The following HMGN5 variants were observed in gnomAD, a reference collection of about 807,000 sequenced individuals.
HMGN5 encodes high mobility group nucleosome-binding domain-containing protein 5.
A neutral mutation model predicts 9.5 loss-of-function variants in HMGN5; 4 were observed. The observed-to-expected ratio is 0.42, with a 90% CI of 0.21 to 0.96. The LOEUF (loss-of-function observed/expected upper bound fraction) is 0.96, where lower values mean the gene tolerates loss of function less well. Ranked by LOEUF, HMGN5 falls within the 40% of genes least tolerant of loss-of-function variation. The pLI, the probability that HMGN5 is intolerant of heterozygous loss-of-function variation, is 0.30. For missense variants in HMGN5, 192 were observed against 187.5 expected (o/e 1.02, Z -0.14); for synonymous variants, 55 against 57.1 (o/e 0.96, Z 0.16).
intron 1 of HMGN5, among the ~76,000 whole-genome samples, chrX:81,161,929 A>G (rs1455326272): frequency 9.1e-6 from 1 of 109,575 alleles, no homozygotes; most frequent in African/African-American, 3.5e-5. Context: ...GGTAAGTTTG[A>G]ATACAATACT....
chrX:81,191,470 C>T (rs1177461851), intron 1 of HMGN5, among the ~76,000 whole-genome samples: 1 of 111,767 alleles, frequency 8.9e-6, no homozygotes, highest in African/African-American at 3.3e-5. Flanking sequence ...AATTTTCAAT[C>T]ATGAAGGGAA....
intron 1 of HMGN5, among the ~76,000 whole-genome samples, chrX:81,190,832 T>C (rs2075492119): frequency 9.0e-6 from 1 of 111,564 alleles, no homozygotes; most frequent in African/African-American, 3.3e-5. Context: ...TTAAAAGAAC[T>C]ACCTTATTAG....
chrX:81,119,370 C>T (rs2075262640), intron 3 of HMGN5, among the ~76,000 whole-genome samples: 1 of 111,154 alleles, frequency 9.0e-6, no homozygotes, highest in Admixed American at 9.6e-5. Context: ...ATATTTAATG[C>T]AATAACAAAA....
chrX:81,170,588 A>G (rs1014693828), intron 1 of HMGN5, among the ~76,000 whole-genome samples: 4 of 111,533 alleles, frequency 3.6e-5, no homozygotes, highest in African/African-American at 1.3e-4. Context: ...CCAGGACATA[A>G]AGAGTAAAAT....
intron 2 of HMGN5, 82 bp from the exon 3 acceptor site, chrX:81,119,899 A>C (rs2147537041): frequency 1.2e-6 from 1 of 849,572 alleles, no homozygotes; most frequent in African/African-American, 2.0e-5. Flanking sequence ...CGGATTACAA[A>C]TTTCAATATA....
At chrX:81,157,742 T>C (rs1026896321) in intron 1 of HMGN5, among the ~76,000 whole-genome samples, 1 of 111,441 alleles carries the variant, frequency 9.0e-6, no homozygotes, top group Admixed American at 9.6e-5. Context: ...CTGAGTTTCC[T>C]GGAGTTATAT....
In HMGN5 at chrX:81,114,075, CAG is replaced by C. The variant is rs1322665801; in HGVS notation, c.*572_*573del. The C allele has an allele frequency of 8.9e-6, 1 of 111,927 alleles. No homozygotes were observed. Among genetic ancestry groups the C allele is most frequent in the East Asian group, 2.8e-4 (1 of 3,587 alleles). The allele number at this position is 111,927 out of a possible 1,213,427, so 9.2% of individuals were successfully genotyped here. Reference sequence around the variant, plus strand: ...AGATATAACAAAACACAATCATCGTCAGAGTCTTTTTATTAAGATAAATCCAG... The same window carrying C: ...AGATATAACAAAACACAATCATCGTCAGTCTTTTTATTAAGATAAATCCAG... On this transcript the variant is annotated 3_prime_UTR_variant, in exon 7 of 7. Transcript: ENST00000358130.
At chrX:81,119,293 G>A (rs933517078) in intron 3 of HMGN5, among the ~76,000 whole-genome samples, 1 of 111,354 alleles carries the variant, frequency 9.0e-6, no homozygotes, top group Non-Finnish European at 1.9e-5. Context: ...TATAATTGTC[G>A]CACAACAATG....
At chrX:81,188,890 A>G (rs909963344) in intron 1 of HMGN5, among the ~76,000 whole-genome samples, 2 of 111,525 alleles carry the variant, frequency 1.8e-5, no homozygotes, top group Middle Eastern at 4.6e-3. Flanking sequence ...TGGACATTTA[A>G]GGTAAGAGTA....
chrX:81,154,984 T>C (rs1415969697), intron 1 of HMGN5, among the ~76,000 whole-genome samples: 1 of 105,029 alleles, frequency 9.5e-6, no homozygotes, highest in East Asian at 3.0e-4. Flanking sequence ...TGACTAAAAA[T>C]AGAGCTACCA....
At chrX:81,146,317 C>G (rs1163116895) in intron 1 of HMGN5, among the ~76,000 whole-genome samples, 3 of 111,941 alleles carry the variant, frequency 2.7e-5, no homozygotes, top group East Asian at 5.6e-4. Flanking sequence ...ACAGTGAAAT[C>G]AAATTATAAC....
At chrX:81,135,091 G>C (rs185118134) in intron 1 of HMGN5, among the ~76,000 whole-genome samples, 23 of 111,283 alleles carry the variant, frequency 2.1e-4, no homozygotes, top group African/African-American at 7.5e-4. Context: ...ATGACACCAA[G>C]AGCACACTCA....
chrX:81,172,716 T>A (rs904938853), intron 1 of HMGN5, among the ~76,000 whole-genome samples: 1 of 110,645 alleles, frequency 9.0e-6, no homozygotes, highest in Non-Finnish European at 1.9e-5. Context: ...ATTTACATGA[T>A]CATAAAACAT....
Position 81,114,401 on chromosome X carries a change from C to T in HMGN5, c.*248G>A, listed in dbSNP as rs541764526. 19 of 239,188 alleles carry T rather than the reference C, an allele frequency of 7.9e-5. 2 individuals are homozygous for T. In the South Asian group the frequency reaches 2.2e-3, roughly 27 times the overall value. The allele number at this position is 239,188 out of a possible 1,213,427, so 19.7% of individuals were successfully genotyped here. A position where few individuals can be genotyped will look rare whatever the true frequency, so the allele number is the denominator to read the frequency against. On this transcript the variant is annotated 3_prime_UTR_variant, in exon 7 of 7. Transcript: ENST00000358130. Reference sequence around the variant, plus strand: ...GATTTGACATATAACTTACACAACACGAAATTCACTCACAAAGTTGAAAGC... The same window carrying T: ...GATTTGACATATAACTTACACAACATGAAATTCACTCACAAAGTTGAAAGC...
chrX:81,138,189 A>G (rs1322904006), intron 1 of HMGN5, among the ~76,000 whole-genome samples: 1 of 112,106 alleles, frequency 8.9e-6, no homozygotes, highest in Non-Finnish European at 1.9e-5. Context: ...TAGAAGTAGA[A>G]ATTTTTGATA....
intron 1 of HMGN5, among the ~76,000 whole-genome samples, chrX:81,193,162 A>G (rs1258834952): frequency 9.0e-6 from 1 of 111,348 alleles, no homozygotes; most frequent in Non-Finnish European, 1.9e-5. Context: ...GTTCGGAGAA[A>G]TGATGCTATG....
intron 1 of HMGN5, among the ~76,000 whole-genome samples, chrX:81,167,515 A>G (rs1031455973): frequency 2.7e-5 from 3 of 111,712 alleles, no homozygotes; most frequent in African/African-American, 9.8e-5. Context: ...GTTTCACAAA[A>G]TAATTACTTT....
intron 1 of HMGN5, among the ~76,000 whole-genome samples, chrX:81,144,082 C>T (rs1420695856): frequency 9.0e-6 from 1 of 111,727 alleles, no homozygotes; most frequent in Non-Finnish European, 1.9e-5. Flanking sequence ...CTTCAGGAGA[C>T]TTAAACGTCC....
chrX:81,164,465 A>G (rs188969160), intron 1 of HMGN5, among the ~76,000 whole-genome samples: 4 of 111,532 alleles, frequency 3.6e-5, no homozygotes, highest in African/African-American at 1.3e-4. Flanking sequence ...TTGTCAATCT[A>G]GGAACTGAGA....
Sources: gnomAD v4.1 joint callset for allele counts (sites outside exome capture counted in the v4.1 genomes callset) on GRCh38, gnomAD v4.1.1 for gene constraint, MANE v1.5 for transcripts, NCBI Gene and HGNC (gene_info 2026-07-23, HGNC 2026-07-21) for gene names.